The following RAB10 variants were observed in gnomAD, a reference collection of about 807,000 sequenced individuals.
RAB10 encodes RAB10, member RAS oncogene family, also known as ras-related protein Rab-10.
Under a neutral mutation model 25.7 loss-of-function variants are expected in RAB10, and 5 were observed. The observed-to-expected ratio is 0.19, with a 90% confidence interval of 0.10 to 0.41. The LOEUF (loss-of-function observed/expected upper bound fraction) is 0.41, where lower values mean the gene tolerates loss of function less well. Ranked by LOEUF, RAB10 falls within the 10% of genes least tolerant of loss-of-function variation. The pLI is 1.00. For missense variants in RAB10, 103 were observed against 245.8 expected, an observed-to-expected ratio of 0.42 and a Z score of 3.89; for synonymous variants, 89 against 86.4, an observed-to-expected ratio of 1.03 and a Z score of -0.16.
chr2:26,087,275 A>G (rs1359758999), intron 1 of RAB10, among the ~76,000 whole-genome samples: 1 of 152,188 alleles, frequency 6.6e-6, no homozygotes, highest in East Asian at 1.9e-4. Context: ...GTTTTATAAA[A>G]TAGGCATATT....
At position 26,034,560 on chromosome 2, in the gene RAB10, A is replaced by G. The variant is rs1046159133; in HGVS notation, c.-49A>G. 1.9e-5 allele frequency: 30 copies of G among 1,610,882 alleles called. No individual in the cohort carries two copies. The highest frequency in any genetic ancestry group is 2.4e-5 in the Non-Finnish European group (28 of 1,179,314). ...TGAGGAGTTGGCCGTAGTGAGAGGGACCGATCCCTTGGGGCCGCCGGCGGC... is the reference window on the plus strand; with the variant it reads ...TGAGGAGTTGGCCGTAGTGAGAGGGGCCGATCCCTTGGGGCCGCCGGCGGC... On this transcript the variant is annotated 5_prime_UTR_variant, in exon 1 of 6. Transcript: ENST00000264710.
At chr2:26,093,627 C>T (rs1667152784) in intron 1 of RAB10, among the ~76,000 whole-genome samples, 1 of 151,990 alleles carries the variant, frequency 6.6e-6, no homozygotes. Flanking sequence ...ATGAAGTTTA[C>T]CAGGAAAAGA....
intron 3 of RAB10, among the ~76,000 whole-genome samples, chr2:26,119,603 C>T (rs1287293308): frequency 6.6e-6 from 1 of 151,872 alleles, no homozygotes; most frequent in African/African-American, 2.4e-5. Flanking sequence ...CTTACTGCAG[C>T]CTCTACCTCC....
intron 3 of RAB10, among the ~76,000 whole-genome samples, chr2:26,112,955 A>G (rs866313490): frequency 1.5e-4 from 23 of 152,008 alleles, no homozygotes; most frequent in African/African-American, 5.6e-4. Context: ...GATGGTGGGC[A>G]CCTGTAGTCT....
At chr2:26,053,864 C>T (rs1666189045) in intron 1 of RAB10, among the ~76,000 whole-genome samples, 1 of 151,730 alleles carries the variant, frequency 6.6e-6, no homozygotes, top group South Asian at 2.1e-4. Context: ...GGATTACAGG[C>T]GTGTGCCACC....
intron 2 of RAB10, among the ~76,000 whole-genome samples, chr2:26,106,758 G>A (rs111338878): frequency 6.6e-6 from 1 of 151,550 alleles, no homozygotes; most frequent in Non-Finnish European, 1.5e-5. Context: ...GGTGGCACAC[G>A]CCTATAGTCC....
intron 3 of RAB10, among the ~76,000 whole-genome samples, chr2:26,112,814 C>T (rs768470077): frequency 2.6e-5 from 4 of 152,164 alleles, no homozygotes; most frequent in Non-Finnish European, 4.4e-5. Context: ...GGCGCAGTGG[C>T]TCATGCCTGT....
chr2:26,088,380 T>A (rs781617488), intron 1 of RAB10, among the ~76,000 whole-genome samples: 4 of 152,224 alleles, frequency 2.6e-5, no homozygotes, highest in Non-Finnish European at 5.9e-5. Context: ...TTTCCTTTAG[T>A]GTGTTTTTAC....
intron 3 of RAB10, among the ~76,000 whole-genome samples, chr2:26,125,434 C>CTTT (rs780945835): frequency 9.3e-5 from 11 of 118,884 alleles, no homozygotes; most frequent in South Asian, 8.0e-4. Flanking sequence ...CCTTTGCTTG[C>CTTT]TTTTTTTTTT....
At chr2:26,119,799 A>G (rs991650673) in intron 3 of RAB10, among the ~76,000 whole-genome samples, 45 of 152,202 alleles carry the variant, frequency 3.0e-4, no homozygotes, top group African/African-American at 1.1e-3. Context: ...GATTATACAC[A>G]TGAGCCACTG....
chr2:26,112,942 C>G (rs916259155), intron 3 of RAB10, among the ~76,000 whole-genome samples: 1 of 151,918 alleles, frequency 6.6e-6, no homozygotes, highest in African/African-American at 2.4e-5. Context: ...ATTAGCCGGG[C>G]ATGATGGTGG....
At chr2:26,107,245 CA>C (rs57391958) in intron 2 of RAB10, among the ~76,000 whole-genome samples, 2,238 of 66,834 alleles carry the variant, frequency 0.033, 13 homozygotes, top group African/African-American at 0.052. Context: ...CACCCTGTTT[CA>C]AAAAAAAAAA....
chr2:26,120,058 A>T (rs1667769726), intron 3 of RAB10, among the ~76,000 whole-genome samples: 1 of 152,094 alleles, frequency 6.6e-6, no homozygotes, highest in African/African-American at 2.4e-5. Context: ...TTTATACTTC[A>T]TTGATCATTT....
intron 5 of RAB10, among the ~76,000 whole-genome samples, chr2:26,132,771 CT>C (rs1553305949): frequency 2.2e-4 from 30 of 138,540 alleles, no homozygotes; most frequent in African/African-American, 6.8e-4. Flanking sequence ...ACCCCCCCCC[CT>C]TTTTTTTAAA....
chr2:26,117,619 CAAAAAA>C (rs71399361), intron 3 of RAB10, among the ~76,000 whole-genome samples: 2 of 34,396 alleles, frequency 5.8e-5, no homozygotes, highest in African/African-American at 3.0e-4. Flanking sequence ...GACTCCGTCT[CAAAAAA>C]AAAAAAAAAA....
intron 2 of RAB10, chr2:26,102,141 T>A (rs1667355740): frequency 6.6e-6 from 1 of 152,302 alleles, no homozygotes; most frequent in Non-Finnish European, 1.5e-5. Context: ...TGCCATTTGG[T>A]ATTTTCTCTG....
At chr2:26,065,954 C>T (rs1438210787) in intron 1 of RAB10, among the ~76,000 whole-genome samples, 5 of 152,102 alleles carry the variant, frequency 3.3e-5, no homozygotes, top group Non-Finnish European at 5.9e-5. Flanking sequence ...TTTACCATGA[C>T]AGTCTACTTA....
chr2:26,124,240 C>T (rs1220202577), intron 3 of RAB10, among the ~76,000 whole-genome samples: 1 of 151,412 alleles, frequency 6.6e-6, no homozygotes, highest in East Asian at 1.9e-4. Context: ...TACCCTTACC[C>T]CCATTGTTCA....
At chr2:26,093,217 G>A (rs1271748866) in intron 1 of RAB10, among the ~76,000 whole-genome samples, 1 of 152,110 alleles carries the variant, frequency 6.6e-6, no homozygotes, top group Admixed American at 6.6e-5. Context: ...CCTACCCCAG[G>A]ACCTCTTTGC....
Sources: gnomAD v4.1 joint callset for allele counts (sites outside exome capture counted in the v4.1 genomes callset) on GRCh38, gnomAD v4.1.1 for gene constraint, MANE v1.5 for transcripts, NCBI Gene and HGNC (gene_info 2026-07-23, HGNC 2026-07-21) for gene names.